FRMD3: variants seen among roughly 807,000 people sequenced by gnomAD.
FRMD3 encodes the protein FERM domain-containing protein 3.
A neutral mutation model predicts 70.2 loss-of-function variants in FRMD3; 33 were observed. The ratio of observed to expected loss-of-function variants is 0.47; its 90% CI spans 0.36 to 0.63. The LOEUF (loss-of-function observed/expected upper bound fraction) is 0.63, where lower values mean the gene tolerates loss of function less well. Ranked by LOEUF, FRMD3 falls within the 20% of genes least tolerant of loss-of-function variation. The pLI, the probability that FRMD3 is intolerant of heterozygous loss-of-function variation, is 0.00. For missense variants in FRMD3, 632 were observed against 711.4 expected (o/e 0.89, Z 1.27); for synonymous variants, 279 against 255.9 (o/e 1.09, Z -0.86).
intron 1 of FRMD3, among the ~76,000 whole-genome samples, chr9:83,460,551 C>G (rs2131436694): frequency 6.6e-6 from 1 of 152,258 alleles, no homozygotes; most frequent in East Asian, 1.9e-4. Flanking sequence ...TCCCTTGTGT[C>G]CTGTGTCCAG....
chr9:83,289,174 G>A (rs569353147), intron 13 of FRMD3, among the ~76,000 whole-genome samples: 1 of 152,292 alleles, frequency 6.6e-6, no homozygotes, highest in Admixed American at 6.5e-5. Context: ...AATTAAAACT[G>A]CTTTTCTTTC....
At position 83,245,769 on chromosome 9, in the gene FRMD3, A is replaced by G. The variant is rs1342122699; in HGVS notation, c.*2149T>C. Reference sequence around the variant, plus strand: ...TCAGAAGGGGACTAATTTTGTGCAGACTACACTAAAGTTGCCTTATGTCAG... The same window carrying G: ...TCAGAAGGGGACTAATTTTGTGCAGGCTACACTAAAGTTGCCTTATGTCAG... On this transcript the variant is annotated 3_prime_UTR_variant, in exon 14 of 14. Transcript: ENST00000304195. 1.0e-6 allele frequency: 1 copy of G among 984,530 alleles called. No homozygotes were observed. The highest frequency in any genetic ancestry group is 1.2e-6 in the Non-Finnish European group (1 of 829,280). 61.0% of individuals were successfully genotyped at this position (984,530 alleles called of 1,614,324 possible). A position where few individuals can be genotyped will look rare whatever the true frequency, so the allele number is the denominator to read the frequency against.
chr9:83,313,613 T>A (rs773193330), intron 7 of FRMD3, 47 bp downstream of exon 7: 1 of 1,460,858 alleles, frequency 6.8e-7, no homozygotes, highest in East Asian at 2.3e-5. Flanking sequence ...AACTCTCTTT[T>A]GGGCAAAACA....
At chr9:83,453,169 C>A (rs192761565) in intron 1 of FRMD3, among the ~76,000 whole-genome samples, 30 of 152,184 alleles carry the variant, frequency 2.0e-4, no homozygotes, top group African/African-American at 6.5e-4. Flanking sequence ...AATTTTATTA[C>A]CTTAAATCTC....
chr9:83,403,687 G>A (rs2131323842), intron 1 of FRMD3, among the ~76,000 whole-genome samples: 1 of 152,232 alleles, frequency 6.6e-6, no homozygotes, highest in Non-Finnish European at 1.5e-5. Context: ...ACAATAATAG[G>A]AATAACAGCT....
chr9:83,442,646 G>A (rs1192921825), intron 1 of FRMD3, among the ~76,000 whole-genome samples: 2 of 150,524 alleles, frequency 1.3e-5, no homozygotes, highest in African/African-American at 5.0e-5. Context: ...CCTCAGTGGA[G>A]GGGGGGTACA....
chr9:83,550,377 C>T, the FRMD3 span, among the ~76,000 whole-genome samples: 3 of 152,180 alleles, frequency 2.0e-5, no homozygotes, highest in African/African-American at 7.2e-5. Flanking sequence ...AATCAGGTAA[C>T]ATGATTCCCC....
chr9:83,360,941 T>G (rs1252573407), intron 3 of FRMD3, among the ~76,000 whole-genome samples: 2 of 152,206 alleles, frequency 1.3e-5, no homozygotes, highest in Non-Finnish European at 2.9e-5. Flanking sequence ...ATTAACTTTC[T>G]GGGAGAAGGA....
intron 3 of FRMD3, among the ~76,000 whole-genome samples, chr9:83,357,242 CATACATATATAT>C (rs1475636085): frequency 0.025 from 332 of 13,236 alleles, 23 homozygotes; most frequent in South Asian, 0.052. Context: ...ATATATAATA[CATACATATATAT>C]ATATATATAT....
intron 1 of FRMD3, among the ~76,000 whole-genome samples, chr9:83,536,930 T>TAAAAAAAAGAAAAA (rs1829905293): frequency 1.6e-5 from 1 of 60,894 alleles, no homozygotes; most frequent in Non-Finnish European, 3.2e-5. Flanking sequence ...TGTATTACAC[T>TAAAAAAAAGAAAAA]AAAAAAAAAA....
At chr9:83,498,572 A>G (rs1250811889) in intron 1 of FRMD3, among the ~76,000 whole-genome samples, 1 of 152,164 alleles carries the variant, frequency 6.6e-6, no homozygotes. Context: ...ATGAAAAAAT[A>G]CTTCCTCAGT....
intron 5 of FRMD3, among the ~76,000 whole-genome samples, chr9:83,340,725 A>G (rs962150970): frequency 4.6e-5 from 7 of 152,238 alleles, no homozygotes; most frequent in African/African-American, 1.2e-4. Flanking sequence ...CGTTGGATTC[A>G]GTATGTACAG....
chr9:83,442,247 T>C (rs1482041865), intron 1 of FRMD3, among the ~76,000 whole-genome samples: 2 of 146,878 alleles, frequency 1.4e-5, no homozygotes, highest in African/African-American at 2.6e-5. Flanking sequence ...GGGTGGTTTA[T>C]ACAGATCTTT....
chr9:83,343,024 C>T (rs1564025228), intron 5 of FRMD3, among the ~76,000 whole-genome samples, 166 bp downstream of exon 5: 1 of 152,126 alleles, frequency 6.6e-6, no homozygotes, highest in Non-Finnish European at 1.5e-5. Flanking sequence ...ACCCCACTGG[C>T]TTGGAAGGGA....
chr9:83,284,061 A>ATTTTTTTTTTTTTTTTTTTTTTCTTT (rs1834089694), intron 13 of FRMD3, among the ~76,000 whole-genome samples: 1 of 101,712 alleles, frequency 9.8e-6, no homozygotes, highest in Non-Finnish European at 2.0e-5. Flanking sequence ...CTAGGATGTT[A>ATTTTTTTTTTTTTTTTTTTTTTCTTT]TTTTTTTTTT....
chr9:83,581,983 T>C, the FRMD3 span, among the ~76,000 whole-genome samples: 1 of 152,214 alleles, frequency 6.6e-6, no homozygotes, highest in Non-Finnish European at 1.5e-5. Flanking sequence ...CGTAACTCTG[T>C]GAATATACTA....
chr9:83,454,221 C>T (rs1827751989), intron 1 of FRMD3, among the ~76,000 whole-genome samples: 1 of 152,148 alleles, frequency 6.6e-6, no homozygotes, highest in Admixed American at 6.6e-5. Flanking sequence ...TCCCACACTC[C>T]TTTCATTCTA....
chr9:83,524,224 A>G (rs1829640002), intron 1 of FRMD3, among the ~76,000 whole-genome samples: 1 of 152,240 alleles, frequency 6.6e-6, no homozygotes, highest in Non-Finnish European at 1.5e-5. Flanking sequence ...TTTCATTAGC[A>G]TTACCCTTCC....
chr9:83,427,984 T>G, intron 1 of FRMD3, among the ~76,000 whole-genome samples: 1 of 152,208 alleles, frequency 6.6e-6, no homozygotes, highest in African/African-American at 2.4e-5. Context: ...GAAAACAACT[T>G]GTCATTACCT....
Sources: allele counts gnomAD v4.1 joint callset (sites outside exome capture counted in the v4.1 genomes callset), GRCh38; gene constraint gnomAD v4.1.1; transcripts MANE v1.5; gene names NCBI Gene and HGNC (gene_info 2026-07-23, HGNC 2026-07-21).